PLEKHH2: variants seen among roughly 807,000 people sequenced by gnomAD.
PLEKHH2 encodes pleckstrin homology domain-containing family H member 2.
In PLEKHH2, 129 loss-of-function variants were observed where a neutral mutation model predicts 187.9. That is an observed-to-expected ratio of 0.69 (90% CI 0.59 to 0.79). PLEKHH2 has a LOEUF of 0.79. Among genes scored for constraint, PLEKHH2 ranks in the 30% least tolerant of loss-of-function variants. The probability of loss-of-function intolerance (pLI) is 0.00; values close to 1 mark genes in which losing one functional copy is unlikely to be tolerated. For missense variants in PLEKHH2, 2,076 were observed against 1,751.2 expected, an observed-to-expected ratio of 1.19 and a Z score of -3.31; for synonymous variants, 686 against 605.6, an observed-to-expected ratio of 1.13 and a Z score of -1.95.
Position 43,720,657 on chromosome 2 carries a change from A to T in PLEKHH2, c.2461-12A>T, listed in dbSNP as rs751029410. 6.2e-7 allele frequency: 1 copy of T among 1,607,090 alleles called. No individual in the cohort carries two copies. The highest frequency in any genetic ancestry group is 1.7e-5 in the Admixed American group (1 of 58,036). The stretch of plus-strand genomic sequence containing the variant: ...TGGGCTAAACTTGTAATTCATTGAA[A>T]TATGGTTTCAGGTAAAACATGGATA... On this transcript the variant is annotated splice_polypyrimidine_tract_variant and intron_variant, in intron 15 of 29. Transcript: ENST00000282406.
At chr2:43,676,404 G>C in intron 2 of PLEKHH2, 1 of 1,178,074 alleles carries the variant, frequency 8.5e-7, no homozygotes, top group Non-Finnish European at 1.2e-6. Flanking sequence ...CGGAGCTGGC[G>C]GCTGCGCTCC....
At chr2:43,743,383 T>G (rs1157312744) in intron 22 of PLEKHH2, among the ~76,000 whole-genome samples, 2 of 152,220 alleles carry the variant, frequency 1.3e-5, no homozygotes, top group African/African-American at 4.8e-5. Context: ...CAATTAGTCT[T>G]TGTAGCCATA....
chr2:43,673,771 T>A (rs1038112183), intron 2 of PLEKHH2, among the ~76,000 whole-genome samples: 5 of 152,322 alleles, frequency 3.3e-5, no homozygotes, highest in Non-Finnish European at 4.4e-5. Flanking sequence ...AATGTACCCA[T>A]CATCACATAG....
At chr2:43,690,746 T>C (rs1668750993) in intron 3 of PLEKHH2, among the ~76,000 whole-genome samples, 1 of 152,242 alleles carries the variant, frequency 6.6e-6, no homozygotes, top group African/African-American at 2.4e-5. Context: ...TATATAGTAC[T>C]CAATACTTTA....
rs1669142625 is a variant in PLEKHH2 at position 43,697,344 on chromosome 2, A to C, written c.676A>C (p.Lys226Gln). ...SSKEPEFTEG[K>Q]DMEEMEIPEK... Reference sequence around the variant, plus strand: ...GAAAGAACCTGAGTTCACTGAAGGAAAAGACATGGAAGGTATTTATGAACT... The same window carrying C: ...GAAAGAACCTGAGTTCACTGAAGGACAAGACATGGAAGGTATTTATGAACT... Residue 226 changes from lysine (K) to glutamine (Q), a missense_variant, in exon 7 of 30, where the codon AAA becomes CAA. Lys to Gln is a moderately conservative substitution (Grantham distance 53, BLOSUM62 1). Transcript: ENST00000282406. 6.2e-7 allele frequency: 1 copy of C among 1,608,970 alleles called. No homozygotes were observed. Among genetic ancestry groups the C allele is most frequent in the Admixed American group, 1.7e-5 (1 of 59,096 alleles).
intron 1 of PLEKHH2, among the ~76,000 whole-genome samples, chr2:43,641,597 A>C (rs1325102267): frequency 6.6e-6 from 1 of 152,178 alleles, no homozygotes; most frequent in Non-Finnish European, 1.5e-5. Context: ...GGAAGTCAAA[A>C]GATTGGACAC....
rs537470000 is a variant in PLEKHH2, at chr2:43,754,975, C to T, written c.3795+1215C>T. On this transcript the variant is annotated intron_variant, in intron 25 of 29. Coordinates refer to ENST00000282406, the MANE Select transcript of PLEKHH2 (RefSeq NM_172069.4). ...GTAACCCCCACCTCCCGGGTTCAAGCGATTCTCCTGCCTCAGCCTCCCTAG... is the reference window on the plus strand; with the variant it reads ...GTAACCCCCACCTCCCGGGTTCAAGTGATTCTCCTGCCTCAGCCTCCCTAG... Among the ~76,000 whole-genome samples, 7 of 148,756 alleles carry T rather than the reference C, an allele frequency of 4.7e-5. No homozygotes were observed. In the South Asian group the frequency reaches 1.1e-3, roughly 23 times the overall value.
rs766833135 is a variant in PLEKHH2 at position 43,676,020 on chromosome 2, G to A, written c.124-2843G>A. On this transcript the variant is annotated intron_variant, in intron 2 of 29. Transcript: ENST00000282406. ...TGAACAAATTATCATTTTTAGTATC[G>A]TAGAGCTCTGCTTTGTCACAGTGTT... The A allele has an allele frequency of 2.4e-5, 38 of 1,613,814 alleles. No homozygotes were observed. In the Middle Eastern group the frequency reaches 4.9e-4, roughly 21 times the overall value.
At position 43,699,723 on chromosome 2, in the gene PLEKHH2, C is replaced by T. The variant is rs1206750528; in HGVS notation, c.765C>T (p.Thr255=). ...NNRGQRTLHQ[T]PCGSEQNRKT... is the part of the protein sequence containing the mutation. The stretch of plus-strand genomic sequence containing the variant: ...GAGGCCAGAGAACATTGCATCAAAC[C>T]CCTTGTGGCTCAGAACAGAATCGGA... Residue 255 remains threonine (T), a synonymous_variant, in exon 8 of 30, where the codon ACC becomes ACT. Transcript: ENST00000282406. 14 of 1,614,028 alleles carry T rather than the reference C, an allele frequency of 8.7e-6. No homozygotes were observed. The highest frequency in any genetic ancestry group is 1.2e-5 in the Non-Finnish European group (14 of 1,180,026).
chr2:43,675,416 T>G, intron 2 of PLEKHH2: 1 of 1,605,876 alleles, frequency 6.2e-7, no homozygotes, highest in East Asian at 2.2e-5. Context: ...AAAACGAGTG[T>G]GTCATTGAAA....
intron 9 of PLEKHH2, 103 bp downstream of exon 9, chr2:43,704,159 G>A: frequency 1.3e-6 from 1 of 764,582 alleles, no homozygotes; most frequent in Non-Finnish European, 2.1e-6. Context: ...GACAAATACT[G>A]TATGATTCCA....
intron 1 of PLEKHH2, among the ~76,000 whole-genome samples, chr2:43,639,163 T>C (rs910886621): frequency 5.3e-5 from 8 of 152,254 alleles, no homozygotes; most frequent in African/African-American, 1.9e-4. Context: ...TAACCACAAA[T>C]AATGGTTGAT....
At chr2:43,677,513 G>T (rs1405232316) in intron 2 of PLEKHH2, among the ~76,000 whole-genome samples, 2 of 151,898 alleles carry the variant, frequency 1.3e-5, no homozygotes, top group African/African-American at 4.8e-5. Flanking sequence ...ACAGGGTTGG[G>T]GGTAAGGTCA....
rs193092083 is a variant in PLEKHH2, at chr2:43,733,935, T to C, written c.2943+2333T>C. Among the ~76,000 whole-genome samples, 48 of 152,332 alleles carry C rather than the reference T, an allele frequency of 3.2e-4. No homozygotes were observed. The East Asian group carries it at 8.5e-3, about 27-fold the overall frequency. On this transcript the variant is annotated intron_variant, in intron 19 of 29. Transcript: ENST00000282406. ...TTGAAAATCTAGATGATGTGGTCAA[T>C]TTTATAAGAAAATATAAATGACCAA...
chr2:43,660,804 A>AT (rs1241530121), intron 2 of PLEKHH2, among the ~76,000 whole-genome samples: 9 of 87,594 alleles, frequency 1.0e-4, no homozygotes, highest in Middle Eastern at 4.3e-3. Context: ...TGAACTCATC[A>AT]TTTTTTATGG....
intron 13 of PLEKHH2, 76 bp from the exon 14 acceptor site, chr2:43,710,413 A>G: frequency 6.3e-7 from 1 of 1,583,396 alleles, no homozygotes; most frequent in Non-Finnish European, 8.6e-7. Flanking sequence ...CCCATAATGC[A>G]AGTAATGATA....
At chr2:43,673,032 TATGTC>T (rs1313186495) in intron 2 of PLEKHH2, among the ~76,000 whole-genome samples, 1 of 152,214 alleles carries the variant, frequency 6.6e-6, no homozygotes, top group Non-Finnish European at 1.5e-5. Flanking sequence ...TATTTTTAAA[TATGTC>T]ATTTACATCT....
At chr2:43,638,892 G>T (rs1418544113) in intron 1 of PLEKHH2, among the ~76,000 whole-genome samples, 2 of 152,110 alleles carry the variant, frequency 1.3e-5, no homozygotes, top group Non-Finnish European at 2.9e-5. Flanking sequence ...CAACCAATTT[G>T]CAGTTCTGAT....
intron 2 of PLEKHH2, among the ~76,000 whole-genome samples, chr2:43,656,036 G>T (rs1357217617): frequency 6.6e-6 from 1 of 151,280 alleles, no homozygotes; most frequent in Non-Finnish European, 1.5e-5. Context: ...TCGGCTCACT[G>T]CAATCTCCAC....
Sources: allele counts gnomAD v4.1 joint callset (sites outside exome capture counted in the v4.1 genomes callset), GRCh38; gene constraint gnomAD v4.1.1; transcripts MANE v1.5; gene names NCBI Gene and HGNC (gene_info 2026-07-23, HGNC 2026-07-21).